The following ADGRL2 variants were observed in gnomAD, a reference collection of about 807,000 sequenced individuals.
ADGRL2 encodes the protein adhesion G protein-coupled receptor L2, also known as calcium-independent alpha-latrotoxin receptor 2.
In ADGRL2, 44 loss-of-function variants were observed where a neutral mutation model predicts 157.4. That is an observed-to-expected ratio of 0.28 (90% CI 0.22 to 0.36). The LOEUF (loss-of-function observed/expected upper bound fraction) is 0.36. Ranked by LOEUF, ADGRL2 falls within the 10% of genes least tolerant of loss-of-function variation. The pLI, the probability that ADGRL2 is intolerant of heterozygous loss-of-function variation, is 1.00. For missense variants in ADGRL2, 1,510 were observed against 1,768.9 expected (o/e 0.85, Z 2.63); for synonymous variants, 585 against 624.7 (o/e 0.94, Z 0.95).
At chr1:81,976,869 A>G (rs904652555) in intron 17 of ADGRL2, among the ~76,000 whole-genome samples, 5 of 151,956 alleles carry the variant, frequency 3.3e-5, no homozygotes, top group East Asian at 1.9e-4. Context: ...TGTAAATAAC[A>G]TAAATAGGAT....
At chr1:81,648,931 T>G (rs1352068518) in intron 3 of ADGRL2, among the ~76,000 whole-genome samples, 2 of 152,202 alleles carry the variant, frequency 1.3e-5, no homozygotes, top group Non-Finnish European at 2.9e-5. Flanking sequence ...CTTTGGACAC[T>G]TGGAACCGGA....
At chr1:81,605,904 C>G (rs1236766161) in intron 3 of ADGRL2, among the ~76,000 whole-genome samples, 1 of 152,142 alleles carries the variant, frequency 6.6e-6, no homozygotes, top group Non-Finnish European at 1.5e-5. Flanking sequence ...TTAAATGAAA[C>G]AGGCTGAATT....
At chr1:81,605,615 G>A (rs1262653203) in intron 3 of ADGRL2, among the ~76,000 whole-genome samples, 6 of 152,190 alleles carry the variant, frequency 3.9e-5, no homozygotes, top group African/African-American at 1.4e-4. Flanking sequence ...GGCAGGACTT[G>A]GAATTTCTCT....
chr1:81,948,782 T>C (rs558995839), intron 6 of ADGRL2, among the ~76,000 whole-genome samples: 1 of 152,242 alleles, frequency 6.6e-6, no homozygotes, highest in Non-Finnish European at 1.5e-5. Context: ...GGTCAATAAA[T>C]TATGCCCTGG....
chr1:81,394,110 A>G (rs955324501), intron 1 of ADGRL2, among the ~76,000 whole-genome samples: 5 of 152,106 alleles, frequency 3.3e-5, no homozygotes, highest in Non-Finnish European at 7.4e-5. Flanking sequence ...AAGTTTGAGT[A>G]GCTCTACACT....
intron 1 of ADGRL2, among the ~76,000 whole-genome samples, chr1:81,817,393 G>T (rs778694718): frequency 6.6e-6 from 1 of 151,228 alleles, no homozygotes; most frequent in African/African-American, 2.4e-5. Flanking sequence ...GAGTTTTATT[G>T]AGTCTTCTTC....
chr1:81,632,195 G>C (rs1470378270), intron 3 of ADGRL2, among the ~76,000 whole-genome samples: 1 of 152,208 alleles, frequency 6.6e-6, no homozygotes, highest in Admixed American at 6.5e-5. Context: ...ATGCTAATGA[G>C]AGAGACGACT....
At chr1:81,887,739 A>C (rs1383728427) in intron 2 of ADGRL2, among the ~76,000 whole-genome samples, 1 of 152,188 alleles carries the variant, frequency 6.6e-6, no homozygotes, top group Non-Finnish European at 1.5e-5. Context: ...GAAAAAGAGG[A>C]GAAAGGTGCA....
chr1:81,780,543 G>A (rs1416365929), intron 2 of ADGRL2, among the ~76,000 whole-genome samples: 6 of 152,154 alleles, frequency 3.9e-5, no homozygotes, highest in Non-Finnish European at 7.3e-5. Context: ...ATAGTATCAT[G>A]ACTGCAAGAT....
intron 1 of ADGRL2, among the ~76,000 whole-genome samples, chr1:81,317,592 T>C (rs1344310372): frequency 6.6e-6 from 1 of 152,218 alleles, no homozygotes; most frequent in Non-Finnish European, 1.5e-5. Flanking sequence ...TGTTGTTGAA[T>C]AAAGTCAAGT....
intron 1 of ADGRL2, among the ~76,000 whole-genome samples, chr1:81,432,221 A>G (rs1458489905): frequency 6.6e-6 from 1 of 152,228 alleles, no homozygotes; most frequent in Admixed American, 6.5e-5. Flanking sequence ...TATGGAGACC[A>G]TACGCAGTGA....
At chr1:81,621,933 T>A (rs1221903884) in intron 3 of ADGRL2, among the ~76,000 whole-genome samples, 1 of 152,218 alleles carries the variant, frequency 6.6e-6, no homozygotes, top group African/African-American at 2.4e-5. Flanking sequence ...TATCATATAT[T>A]TACAATTTTT....
At chr1:81,984,939 G>A (rs1438534336) in intron 20 of ADGRL2, among the ~76,000 whole-genome samples, 3 of 151,850 alleles carry the variant, frequency 2.0e-5, no homozygotes, top group African/African-American at 4.8e-5. Context: ...TGTCATAATC[G>A]TCTTATAGCC....
At chr1:81,659,741 G>T (rs2148874873) in intron 3 of ADGRL2, among the ~76,000 whole-genome samples, 1 of 152,208 alleles carries the variant, frequency 6.6e-6, no homozygotes, top group South Asian at 2.1e-4. Flanking sequence ...TTTTATTTTA[G>T]TGCATCCAAC....
At chr1:81,364,572 G>A (rs1557630129) in intron 1 of ADGRL2, among the ~76,000 whole-genome samples, 1 of 152,136 alleles carries the variant, frequency 6.6e-6, no homozygotes, top group Non-Finnish European at 1.5e-5. Context: ...CTGTGAAAAA[G>A]AGGGAGGAAG....
rs752596333 is a variant in ADGRL2, at chr1:81,823,990, G to GT, written c.-100-12888dup. 2.9e-4 allele frequency among the ~76,000 whole-genome samples: 44 copies of GT among 152,166 alleles called. 1 individual carries two copies. The highest frequency in any genetic ancestry group is 3.4e-3 in the Middle Eastern group (1 of 294). On this transcript the variant is annotated intron_variant, in intron 1 of 23. Transcript: ENST00000686636. The stretch of plus-strand genomic sequence containing the variant: ...GAAAGTTTGTTAATATATTTGATGT[G>GT]TTTTTTTAATTACCAGGATATTATA...
chr1:81,821,353 A>T (rs1347225966), intron 1 of ADGRL2, among the ~76,000 whole-genome samples: 1 of 152,158 alleles, frequency 6.6e-6, no homozygotes, highest in Non-Finnish European at 1.5e-5. Context: ...AATTTTTAGC[A>T]TTAGAGACAT....
At chr1:81,948,674 G>A (rs928341195) in intron 6 of ADGRL2, among the ~76,000 whole-genome samples, 4 of 152,190 alleles carry the variant, frequency 2.6e-5, no homozygotes, top group African/African-American at 9.7e-5. Context: ...AAGATGTCAA[G>A]CAAGTGCTTT....
chr1:81,478,765 T>C (rs2078324615), intron 2 of ADGRL2, among the ~76,000 whole-genome samples: 1 of 152,182 alleles, frequency 6.6e-6, no homozygotes. Flanking sequence ...GCTGATTGCT[T>C]TTAGCATTTT....
Sources: allele counts gnomAD v4.1 joint callset (sites outside exome capture counted in the v4.1 genomes callset), GRCh38; gene constraint gnomAD v4.1.1; transcripts MANE v1.5; gene names NCBI Gene and HGNC (gene_info 2026-07-23, HGNC 2026-07-21).